DYRK1A: variants seen among roughly 807,000 people sequenced by gnomAD.
DYRK1A encodes the protein dual specificity tyrosine phosphorylation regulated kinase 1A.
Under a neutral mutation model 79.7 loss-of-function variants are expected in DYRK1A, and 9 were observed. That is an observed-to-expected ratio of 0.11 (90% CI 0.07 to 0.20). The LOEUF is 0.20. Among genes scored for constraint, DYRK1A ranks in the 10% least tolerant of loss-of-function variants. The pLI, the probability that DYRK1A is intolerant of heterozygous loss-of-function variation, is 1.00. For synonymous variants in DYRK1A, 349 were observed against 329.7 expected (o/e 1.06, Z -0.63); for missense variants, 622 against 956.0 (o/e 0.65, Z 4.61).
chr21:37,388,654 A>G (rs529711135), intron 1 of DYRK1A, among the ~76,000 whole-genome samples: 2 of 140,708 alleles, frequency 1.4e-5, no homozygotes, highest in Non-Finnish European at 3.1e-5. Flanking sequence ...TTTTTTCTCC[A>G]TTTTTTTTTT....
chr21:37,380,159 A>G (rs1292492473), intron 1 of DYRK1A, among the ~76,000 whole-genome samples: 7 of 152,240 alleles, frequency 4.6e-5, no homozygotes, highest in Admixed American at 3.9e-4. Flanking sequence ...TTGTTTGGAT[A>G]AAAATAGGAC....
intron 2 of DYRK1A, among the ~76,000 whole-genome samples, chr21:37,426,378 C>T (rs968755722): frequency 2.0e-5 from 3 of 152,056 alleles, no homozygotes; most frequent in Non-Finnish European, 4.4e-5. Context: ...ATTATTACTG[C>T]AGACAATGAA....
At chr21:37,428,054 T>G (rs2050676480) in intron 2 of DYRK1A, among the ~76,000 whole-genome samples, 1 of 152,144 alleles carries the variant, frequency 6.6e-6, no homozygotes, top group South Asian at 2.1e-4. Context: ...CTGGTACAGG[T>G]ACTGTGATTG....
chr21:37,378,389 G>A (rs371461355), intron 1 of DYRK1A, among the ~76,000 whole-genome samples: 31 of 152,194 alleles, frequency 2.0e-4, no homozygotes, highest in African/African-American at 6.5e-4. Context: ...AAAATCAGCC[G>A]GGTGTGGTGG....
intron 2 of DYRK1A, among the ~76,000 whole-genome samples, chr21:37,442,540 A>G (rs2051140123): frequency 1.3e-5 from 2 of 151,942 alleles, no homozygotes; most frequent in South Asian, 4.2e-4. Context: ...TGTGTTTTTT[A>G]TCATTCACAT....
rs1569361997 is a variant in DYRK1A at position 37,479,596 on chromosome 21, TTTTG to T, written c.301-1038_301-1035del. ...CTTAGAAACAGTGTTGGTGTTTTGT[TTTTG>T]TTTTTGTTTTTGTTTTTTGTTTTTT... On this transcript the variant is annotated intron_variant, in intron 4 of 11. Transcript: ENST00000647188. Among the ~76,000 whole-genome samples the T allele has an allele frequency of 1.4e-3, 93 of 68,596 alleles. 1 individual carries two copies. Among genetic ancestry groups the T allele is most frequent in the African/African-American group, 8.1e-3 (74 of 9,136 alleles). The allele number at this position is 68,596 out of a possible 152,430, so 45.0% of individuals were successfully genotyped here.
chr21:37,373,512 A>T (rs974522202), intron 1 of DYRK1A, among the ~76,000 whole-genome samples: 1 of 152,212 alleles, frequency 6.6e-6, no homozygotes, highest in Admixed American at 6.5e-5. Context: ...TCATAAAACA[A>T]CAGTATAACT....
At chr21:37,509,291 A>G (rs2053686800) in intron 11 of DYRK1A, among the ~76,000 whole-genome samples, 1 of 152,198 alleles carries the variant, frequency 6.6e-6, no homozygotes, top group South Asian at 2.1e-4. Context: ...CGCTTTCAGA[A>G]CATCTTGGTT....
chr21:37,411,393 A>G (rs1008464866), intron 1 of DYRK1A, among the ~76,000 whole-genome samples: 16 of 136,686 alleles, frequency 1.2e-4, no homozygotes, highest in African/African-American at 4.0e-4. Flanking sequence ...TGACAGTTAT[A>G]CTACATGAAG....
chr21:37,465,085 C>T (rs1352972763), intron 2 of DYRK1A, among the ~76,000 whole-genome samples: 5 of 152,200 alleles, frequency 3.3e-5, no homozygotes, highest in Admixed American at 3.3e-4. Context: ...ATGTGGCAAG[C>T]ACACCTCGTT....
intron 9 of DYRK1A, among the ~76,000 whole-genome samples, 189 bp downstream of exon 9, chr21:37,496,447 T>C (rs141213753): frequency 9.8e-5 from 15 of 152,320 alleles, no homozygotes; most frequent in African/African-American, 3.6e-4. Flanking sequence ...GGACCAGTGT[T>C]TGATTAATGG....
intron 4 of DYRK1A, 105 bp downstream of exon 4, chr21:37,478,405 A>G (rs1399393379): frequency 4.7e-6 from 4 of 854,242 alleles, no homozygotes; most frequent in Non-Finnish European, 7.1e-6. Flanking sequence ...AGTAGTTGTC[A>G]TATTGATGAT....
Position 37,451,686 on chromosome 21 carries a change from G to C in DYRK1A, c.11-20998G>C, listed in dbSNP as rs191596189. ...GCGTGGGCGTGCAGTAGGCTCCACT[G>C]TCTAGCGTGGGCGTGCAGTGTATAC... On this transcript the variant is annotated intron_variant, in intron 2 of 11. Coordinates refer to ENST00000647188, the MANE Select transcript of DYRK1A (RefSeq NM_001347721.2). Among the ~76,000 whole-genome samples, 4 of 152,086 alleles carry C rather than the reference G, an allele frequency of 2.6e-5. No homozygotes were observed. The East Asian group carries it at 7.8e-4, about 30-fold the overall frequency.
chr21:37,457,053 T>C (rs146335057), intron 2 of DYRK1A, among the ~76,000 whole-genome samples: 3,207 of 82,440 alleles, frequency 0.039, 44 homozygotes, highest in Non-Finnish European at 0.058. Context: ...TATTTATTTA[T>C]TTATTTATTT....
intron 1 of DYRK1A, among the ~76,000 whole-genome samples, chr21:37,409,954 AC>A (rs2050213883): frequency 6.6e-6 from 1 of 152,178 alleles, no homozygotes; most frequent in South Asian, 2.1e-4. Flanking sequence ...TTAATGATAA[AC>A]TTTTGTATAT....
rs1416665050 is a variant in DYRK1A at position 37,513,953 on chromosome 21, A to T, written c.*1422A>T. Reference sequence around the variant, plus strand: ...ATGGCTGTACTATTGCTTAAACAAAACTGGAACTGTTGTTGAATCCATAGC... The same window carrying T: ...ATGGCTGTACTATTGCTTAAACAAATCTGGAACTGTTGTTGAATCCATAGC... On this transcript the variant is annotated 3_prime_UTR_variant, in exon 12 of 12. Coordinates refer to ENST00000647188, the MANE Select transcript of DYRK1A (RefSeq NM_001347721.2). The T allele has an allele frequency of 1.3e-5, 2 of 152,660 alleles. No individual in the cohort carries two copies. The highest frequency in any genetic ancestry group is 2.9e-5 in the Non-Finnish European group (2 of 68,046). The allele number at this position is 152,660 out of a possible 1,614,324, so 9.5% of individuals were successfully genotyped here.
At chr21:37,395,848 C>T (rs2049951166) in intron 1 of DYRK1A, among the ~76,000 whole-genome samples, 2 of 152,152 alleles carry the variant, frequency 1.3e-5, no homozygotes, top group Non-Finnish European at 2.9e-5. Context: ...GAATAAAGCC[C>T]TGTTAGGATA....
intron 1 of DYRK1A, among the ~76,000 whole-genome samples, chr21:37,374,781 C>G (rs1022100181): frequency 6.6e-6 from 1 of 152,146 alleles, no homozygotes; most frequent in Non-Finnish European, 1.5e-5. Flanking sequence ...TCTCAATCTC[C>G]TGACCTCGTG....
At position 37,523,008 on chromosome 21, in the gene DYRK1A, A is replaced by G. The variant is rs1394282042; in HGVS notation, c.*10477A>G. 2 of 152,280 alleles carry G rather than the reference A, an allele frequency of 1.3e-5. No individual in the cohort carries two copies. Among genetic ancestry groups the G allele is most frequent in the African/African-American group, 2.4e-5 (1 of 41,404 alleles). The allele number at this position is 152,280 out of a possible 1,614,324, so 9.4% of individuals were successfully genotyped here. A position where few individuals can be genotyped will look rare whatever the true frequency, so the allele number is the denominator to read the frequency against. On this transcript the variant is annotated 3_prime_UTR_variant, in exon 12 of 12. Transcript: ENST00000647188. ...CACAGTCCCCTCTTGCTTCTCCCAC[A>G]TGTTAGTCTTCATAGATTAGTCTTC...
Sources: allele counts gnomAD v4.1 joint callset (sites outside exome capture counted in the v4.1 genomes callset), GRCh38; gene constraint gnomAD v4.1.1; transcripts MANE v1.5; gene names NCBI Gene and HGNC (gene_info 2026-07-23, HGNC 2026-07-21).